Variants in CEP85 observed in about 807,000 individuals in gnomAD.
CEP85 encodes centrosomal protein 85.
In CEP85, 58 loss-of-function variants were observed where a neutral mutation model predicts 93.7. The ratio of observed to expected loss-of-function variants is 0.62; its 90% CI spans 0.50 to 0.77. CEP85 has a LOEUF of 0.77. Among genes scored for constraint, CEP85 ranks in the 30% least tolerant of loss-of-function variants. CEP85 has a pLI of 0.00. For synonymous variants in CEP85, 314 were observed against 338.6 expected (o/e 0.93, Z 0.80); for missense variants, 868 against 922.0 (o/e 0.94, Z 0.76).
chr1:26,257,190 T>C (rs7513945), intron 4 of CEP85, among the ~76,000 whole-genome samples: 133,405 of 152,090 alleles, frequency 0.88, 59,467 homozygotes, highest in Non-Finnish European at 0.93. Flanking sequence ...ACCTTGGCCT[T>C]CCAAAGTGCT....
chr1:26,251,587 A>G (rs1378671154), intron 3 of CEP85, among the ~76,000 whole-genome samples: 1 of 152,136 alleles, frequency 6.6e-6, no homozygotes, highest in East Asian at 1.9e-4. Flanking sequence ...TGCTTTGAGA[A>G]CTAACTCACT....
Position 26,255,573 on chromosome 1 carries a change from G to A in CEP85, c.611G>A (p.Arg204Gln), listed in dbSNP as rs191422364. The A allele has an allele frequency of 4.6e-5, 75 of 1,614,072 alleles. No individual in the cohort carries two copies. Among genetic ancestry groups the A allele is most frequent in the Non-Finnish European group, 6.4e-5 (75 of 1,180,022 alleles). ...ACACTTTATTCAGATCCTCACCACC[G>A]AGTCCGCTTCCACAACCCAAGAACC... is the stretch of plus-strand genomic sequence containing the variant. ...METLYSDPHH[R>Q]VRFHNPRTST... Residue 204 changes from arginine to glutamine, a missense_variant, in exon 4 of 14, where the codon CGA becomes CAA. By Grantham distance (43) the Arg-to-Gln change is conservative. Transcript: ENST00000451429.
intron 3 of CEP85, among the ~76,000 whole-genome samples, chr1:26,248,688 G>A (rs2089549987): frequency 7.7e-6 from 1 of 129,372 alleles, no homozygotes; most frequent in Admixed American, 8.4e-5. Flanking sequence ...TAGAGATGGG[G>A]TTTCACCATG....
chr1:26,272,212 T>C, intron 11 of CEP85, 141 bp downstream of exon 11: 1 of 769,026 alleles, frequency 1.3e-6, no homozygotes, highest in Non-Finnish European at 2.2e-6. Context: ...TCAGTGCTTT[T>C]GAGCCTTGCT....
chr1:26,236,137 G>C (rs1293216601), intron 1 of CEP85, among the ~76,000 whole-genome samples: 1 of 152,220 alleles, frequency 6.6e-6, no homozygotes, highest in Non-Finnish European at 1.5e-5. Context: ...TTAGAGTACA[G>C]TCCTGGCTTT....
At position 26,244,226 on chromosome 1, in the gene CEP85, C is replaced by T. The variant is rs771115123; in HGVS notation, c.116C>T (p.Ser39Leu). The T allele has an allele frequency of 5.0e-6, 8 of 1,613,596 alleles. No individual in the cohort carries two copies. Among genetic ancestry groups the T allele is most frequent in the Middle Eastern group, 1.7e-4 (1 of 5,984 alleles). ...ACTGAATGGCAGACCCCAGTTATCT[C>T]GGAGCCCTTTCGGAGCCGCTTCAGC... ...LGTEWQTPVI[S>L]EPFRSRFSRC... The change falls in exon 3 of 14, where the codon TCG becomes TTG. Residue 39 changes from serine (S) to leucine (L), a missense_variant. Ser to Leu is a moderately radical substitution (Grantham distance 145, BLOSUM62 -2). Transcript: ENST00000451429.
At position 26,243,987 on chromosome 1, in the gene CEP85, G is replaced by A. The variant is rs1009559075; in HGVS notation, c.56-179G>A. On this transcript the variant is annotated intron_variant, in intron 2 of 13. Transcript: ENST00000451429. ...AAGCCTGGGTGACAGAGCAGACTCC[G>A]TCTCAAAAAAAAAAAAAAAAAAAAA... Among the ~76,000 whole-genome samples the A allele has an allele frequency of 6.4e-5, 6 of 94,158 alleles. 1 individual carries two copies. Among genetic ancestry groups the A allele is most frequent in the Admixed American group, 2.5e-4 (2 of 8,084 alleles). The allele number at this position is 94,158 out of a possible 152,430, so 61.8% of individuals were successfully genotyped here.
Position 26,275,020 on chromosome 1 carries a change from G to A in CEP85, c.1851G>A (p.Glu617=). The change falls in exon 12 of 14, where the codon GAG becomes GAA. Residue 617 remains glutamate, a synonymous_variant. Transcript: ENST00000451429. ...GAACAAGCCAGGCCCTGAGAGAGGA[G>A]GCCCAGCGAAGGGATTCAGCCCTGC... ...EEGTSQALRE[E]AQRRDSALQQ... 2 of 1,587,664 alleles carry A rather than the reference G, an allele frequency of 1.3e-6. No individual in the cohort carries two copies. The highest frequency in any genetic ancestry group is 1.2e-5 in the South Asian group (1 of 86,622).
intron 3 of CEP85, among the ~76,000 whole-genome samples, chr1:26,249,032 A>G (rs7417505): frequency 0.17 from 25,113 of 151,060 alleles, 2,175 homozygotes; most frequent in Middle Eastern, 0.21. Context: ...AGGCCTAGAC[A>G]TTTTTTAAAC....
chr1:26,262,064 T>TGG (rs2089818567), intron 7 of CEP85, among the ~76,000 whole-genome samples: 1 of 151,890 alleles, frequency 6.6e-6, no homozygotes, highest in Non-Finnish European at 1.5e-5. Flanking sequence ...TCCCAACACT[T>TGG]TGGGAGGCTG....
At chr1:26,276,843 G>C in intron 13 of CEP85, 83 bp downstream of exon 13, 2 of 1,094,222 alleles carry the variant, frequency 1.8e-6, no homozygotes, top group East Asian at 2.6e-5. Context: ...CCATATTCTT[G>C]TGGTAATATG....
In CEP85 at chr1:26,255,451, C is replaced by T. The variant is rs753696123; in HGVS notation, c.489C>T (p.Ser163=). ...GATGENGIEQ[S]WFPAVGHERQ... is the part of the protein sequence containing the mutation. Reference sequence around the variant, plus strand: ...CTGGAGAAAATGGAATTGAGCAGTCCTGGTTTCCAGCAGTGGGCCATGAAA... The same window carrying T: ...CTGGAGAAAATGGAATTGAGCAGTCTTGGTTTCCAGCAGTGGGCCATGAAA... Residue 163 remains serine, a synonymous_variant, in exon 4 of 14, where the codon TCC becomes TCT. Coordinates refer to ENST00000451429, the MANE Select transcript of CEP85 (RefSeq NM_001319944.2). 1.2e-6 allele frequency: 2 copies of T among 1,614,082 alleles called. No individual in the cohort carries two copies. Among genetic ancestry groups the T allele is most frequent in the Non-Finnish European group, 1.7e-6 (2 of 1,179,996 alleles).
chr1:26,268,436 C>A, intron 7 of CEP85, 47 bp from the exon 8 acceptor site: 2 of 1,610,298 alleles, frequency 1.2e-6, no homozygotes, highest in South Asian at 2.2e-5. Context: ...CCAGCAGGGT[C>A]ATAGTGGAGT....
chr1:26,271,834 G>A (rs922727140), intron 10 of CEP85, 187 bp from the exon 11 acceptor site: 5 of 613,510 alleles, frequency 8.1e-6, no homozygotes, highest in Non-Finnish European at 1.5e-5. Flanking sequence ...GAGCACAACT[G>A]TGAAGCTAGT....
At chr1:26,257,481 C>A in intron 4 of CEP85, 116 bp from the exon 5 acceptor site, 1 of 1,182,838 alleles carries the variant, frequency 8.5e-7, no homozygotes, top group Non-Finnish European at 1.2e-6. Flanking sequence ...AAACATTGGG[C>A]CTCATCAGGC....
intron 6 of CEP85, among the ~76,000 whole-genome samples, chr1:26,258,972 T>C (rs898399213): frequency 6.6e-6 from 1 of 152,064 alleles, no homozygotes; most frequent in Non-Finnish European, 1.5e-5. Context: ...TTGTGGGGCT[T>C]TAGAGTTTGA....
chr1:26,248,352 A>G (rs1336960661), intron 3 of CEP85, among the ~76,000 whole-genome samples: 1 of 152,182 alleles, frequency 6.6e-6, no homozygotes, highest in Non-Finnish European at 1.5e-5. Flanking sequence ...GCTGTATTTA[A>G]TTCAGTTACA....
chr1:26,274,863 A>C, intron 11 of CEP85, 101 bp from the exon 12 acceptor site: 1 of 817,126 alleles, frequency 1.2e-6, no homozygotes, highest in Non-Finnish European at 2.0e-6. Context: ...GGGTGTAGGT[A>C]GGGTGAGTCG....
Position 26,258,273 on chromosome 1 carries a change from C to A in CEP85, c.1155+13C>A. On this transcript the variant is annotated intron_variant, in intron 6 of 13. Transcript: ENST00000451429. Reference sequence around the variant, plus strand: ...GCTGAGGCTACAGGTAAGTATTGGCCATCAGGATGGCATTCTGTTTGTCAT... The same window carrying A: ...GCTGAGGCTACAGGTAAGTATTGGCAATCAGGATGGCATTCTGTTTGTCAT... 1.3e-6 allele frequency: 2 copies of A among 1,537,660 alleles called. No individual in the cohort carries two copies. Among genetic ancestry groups the A allele is most frequent in the South Asian group, 1.1e-5 (1 of 89,506 alleles).
Sources: gnomAD v4.1 joint callset for allele counts (sites outside exome capture counted in the v4.1 genomes callset) on GRCh38, gnomAD v4.1.1 for gene constraint, MANE v1.5 for transcripts, NCBI Gene and HGNC (gene_info 2026-07-23, HGNC 2026-07-21) for gene names.